The following AFF3 variants were observed in gnomAD, a reference collection of about 807,000 sequenced individuals.
AFF3 encodes ALF transcription elongation factor 3.
Under a neutral mutation model 129.7 loss-of-function variants are expected in AFF3, and 32 were observed. That is an observed-to-expected ratio of 0.25 (90% CI 0.19 to 0.33). The LOEUF is 0.33. Ranked by LOEUF, AFF3 falls within the 10% of genes least tolerant of loss-of-function variation. The pLI, the probability that AFF3 is intolerant of heterozygous loss-of-function variation, is 1.00. For missense variants in AFF3, 1,373 were observed against 1,592.0 expected (o/e 0.86, Z 2.34); for synonymous variants, 644 against 635.4 (o/e 1.01, Z -0.20).
At chr2:99,585,461 T>C (rs1244567033) in intron 16 of AFF3, among the ~76,000 whole-genome samples, 1 of 152,224 alleles carries the variant, frequency 6.6e-6, no homozygotes, top group Non-Finnish European at 1.5e-5. Context: ...AAGCATTTTA[T>C]ATGCATTGTG....
intron 8 of AFF3, among the ~76,000 whole-genome samples, chr2:99,817,132 G>C (rs1687300018): frequency 6.6e-6 from 1 of 152,174 alleles, no homozygotes; most frequent in Non-Finnish European, 1.5e-5. Context: ...TTCTGCAGTG[G>C]CTGCTGTTCA....
intron 13 of AFF3, among the ~76,000 whole-genome samples, chr2:99,642,078 T>A (rs887536407): frequency 6.6e-6 from 1 of 152,098 alleles, no homozygotes; most frequent in Admixed American, 6.5e-5. Context: ...AACATAAGTA[T>A]GAATAGTTGG....
chr2:99,937,401 A>AT (rs145412105), intron 7 of AFF3, among the ~76,000 whole-genome samples: 18,546 of 151,474 alleles, frequency 0.12, 1,312 homozygotes, highest in African/African-American at 0.14. Flanking sequence ...GAATTGAAGG[A>AT]TTTTTTTTTC....
At chr2:99,867,273 C>A (rs147606308) in intron 7 of AFF3, among the ~76,000 whole-genome samples, 1 of 152,098 alleles carries the variant, frequency 6.6e-6, no homozygotes. Flanking sequence ...GCATTTGCTT[C>A]GAAGGATCCT....
At chr2:99,786,567 G>A (rs1417934916) in intron 8 of AFF3, among the ~76,000 whole-genome samples, 1 of 152,252 alleles carries the variant, frequency 6.6e-6, no homozygotes, top group South Asian at 2.1e-4. Context: ...TGCAGTAAGC[G>A]TAAGGTTGAT....
At chr2:99,816,812 C>A (rs547837126) in intron 8 of AFF3, among the ~76,000 whole-genome samples, 1 of 152,024 alleles carries the variant, frequency 6.6e-6, no homozygotes, top group African/African-American at 2.4e-5. Context: ...TGTTAGGTAG[C>A]ACACATTCCT....
At chr2:99,706,076 A>T (rs889282903) in intron 11 of AFF3, among the ~76,000 whole-genome samples, 8 of 152,110 alleles carry the variant, frequency 5.3e-5, no homozygotes, top group Non-Finnish European at 8.8e-5. Flanking sequence ...GCAGCATTTT[A>T]AAGTTTCTTC....
At chr2:100,127,469 G>A (rs72819179) in intron 2 of AFF3, among the ~76,000 whole-genome samples, 19,015 of 152,146 alleles carry the variant, frequency 0.12, 1,374 homozygotes, top group Non-Finnish European at 0.15. Context: ...CTAGCCTGGG[G>A]TGGGGAAATG....
At chr2:99,822,853 C>T (rs575723692) in intron 8 of AFF3, among the ~76,000 whole-genome samples, 15 of 152,198 alleles carry the variant, frequency 9.9e-5, no homozygotes, top group South Asian at 8.3e-4. Context: ...TGGGGGTGTG[C>T]GTGAAGGGGC....
intron 10 of AFF3, among the ~76,000 whole-genome samples, chr2:99,740,978 A>G (rs1450376718): frequency 6.6e-6 from 1 of 152,142 alleles, no homozygotes; most frequent in Non-Finnish European, 1.5e-5. Context: ...TAATTTTTGT[A>G]TAAGGTGTAA....
intron 4 of AFF3, among the ~76,000 whole-genome samples, chr2:100,062,412 GA>G (rs947457019): frequency 4.7e-5 from 7 of 150,478 alleles, no homozygotes; most frequent in Admixed American, 1.3e-4. Flanking sequence ...CAGAGGAAAT[GA>G]AAAAAAAATG....
intron 8 of AFF3, among the ~76,000 whole-genome samples, chr2:99,780,359 ATC>A (rs1684305442): frequency 6.6e-6 from 1 of 152,092 alleles, no homozygotes. Context: ...CCATCAAAAC[ATC>A]TACTCTTAGC....
chr2:99,559,002 G>T (rs922121856), intron 21 of AFF3, 34 bp from the exon 22 acceptor site: 2 of 1,597,308 alleles, frequency 1.3e-6, no homozygotes, highest in Non-Finnish European at 1.7e-6. Flanking sequence ...CCCAGAAGCG[G>T]CTGAGTGCGT....
At chr2:99,624,407 T>G (rs768945057) in intron 13 of AFF3, among the ~76,000 whole-genome samples, 2 of 152,208 alleles carry the variant, frequency 1.3e-5, no homozygotes, top group Admixed American at 6.5e-5. Flanking sequence ...TATTATAATA[T>G]TTACTACCAT....
At chr2:99,878,298 T>C (rs1387550165) in intron 7 of AFF3, among the ~76,000 whole-genome samples, 1 of 152,094 alleles carries the variant, frequency 6.6e-6, no homozygotes, top group Non-Finnish European at 1.5e-5. Context: ...AATTACAACT[T>C]TGGGGAGAAA....
chr2:100,104,792 T>C lies in AFF3; in HGVS notation c.-64-274A>G, dbSNP rs1370898177. ...CCTCCCTCGCGGCGGCCCGGCCCGC[T>C]GCTGCAGCCGCCGCCGCCGCCGCCG... On this transcript the variant is annotated intron_variant, in intron 3 of 24. Coordinates refer to ENST00000672756, the MANE Select transcript of AFF3 (RefSeq NM_001386135.1). 3.5e-3 allele frequency: 2,590 copies of C among 740,540 alleles called. 70 individuals are homozygous for C. In the African/African-American group the frequency reaches 0.07, roughly 20 times the overall value. The allele number at this position is 740,540 out of a possible 1,614,324, so 45.9% of individuals were successfully genotyped here. A position where few individuals can be genotyped will look rare whatever the true frequency, so the allele number is the denominator to read the frequency against.
At chr2:100,114,435 G>A (rs1691648091) in intron 2 of AFF3, among the ~76,000 whole-genome samples, 1 of 152,186 alleles carries the variant, frequency 6.6e-6, no homozygotes, top group African/African-American at 2.4e-5. Context: ...AGGCTAGAGT[G>A]CAGTGGTGTG....
intron 13 of AFF3, among the ~76,000 whole-genome samples, chr2:99,609,642 A>G (rs1407900300): frequency 6.6e-6 from 1 of 152,250 alleles, no homozygotes; most frequent in Non-Finnish European, 1.5e-5. Flanking sequence ...TTGATGGATC[A>G]GTCCACTTAT....
chr2:100,135,710 G>C (rs1347995523), intron 1 of AFF3, among the ~76,000 whole-genome samples: 1 of 152,186 alleles, frequency 6.6e-6, no homozygotes, highest in Non-Finnish European at 1.5e-5. Context: ...GGGACAACTG[G>C]AACTGTGAAA....
Sources: gnomAD v4.1 joint callset for allele counts (sites outside exome capture counted in the v4.1 genomes callset) on GRCh38, gnomAD v4.1.1 for gene constraint, MANE v1.5 for transcripts, NCBI Gene and HGNC (gene_info 2026-07-23, HGNC 2026-07-21) for gene names.